The following UGT3A1 variants were observed in gnomAD, a reference collection of about 807,000 sequenced individuals.
The protein encoded by UGT3A1 is UDP glycosyltransferase family 3 member A1, also known as UDP-glycosyltransferase 3A1.
UGT3A1 carries 40 observed loss-of-function variants against 37.6 expected under a neutral mutation model. The observed-to-expected ratio is 1.06, with a 90% confidence interval of 0.83 to 1.38. UGT3A1 has a LOEUF of 1.38. Ranked by LOEUF, UGT3A1 falls within the 40% of genes most tolerant of loss-of-function variation. UGT3A1 has a pLI of 0.00. For synonymous variants in UGT3A1, 256 were observed against 232.3 expected (o/e 1.10, Z -0.93); for missense variants, 642 against 634.2 (o/e 1.01, Z -0.13).
chr5:35,965,272 C>T lies in UGT3A1; in HGVS notation c.843+114G>A. 5 of 1,480,162 alleles carry T rather than the reference C, an allele frequency of 3.4e-6. No individual in the cohort carries two copies. In the Admixed American group the frequency reaches 9.0e-5, roughly 27 times the overall value. The allele number at this position is 1,480,162 out of a possible 1,614,324, so 91.7% of individuals were successfully genotyped here. ...TCCTTTAAGAACGTGCCCTAGGTGC[C>T]TCCTTTGCCAATCCCTACTTCAACC... On this transcript the variant is annotated intron_variant, in intron 4 of 6. Transcript: ENST00000274278.
chr5:35,982,447 C>T (rs1041733605), intron 2 of UGT3A1, among the ~76,000 whole-genome samples: 8 of 152,220 alleles, frequency 5.3e-5, no homozygotes, highest in Admixed American at 2.0e-4. Flanking sequence ...ATTATTTTGG[C>T]GCTTTAAGAT....
Position 35,991,366 on chromosome 5 carries a change from A to C in UGT3A1, c.-126T>G. On this transcript the variant is annotated 5_prime_UTR_variant, in exon 1 of 7. Coordinates refer to ENST00000274278, the MANE Select transcript of UGT3A1 (RefSeq NM_152404.4). ...GGGCCTAGGAAGAGGTAGGAGACGGATCCTGCCAATTCTCTCGCCCTTCTG... is the reference window on the plus strand; with the variant it reads ...GGGCCTAGGAAGAGGTAGGAGACGGCTCCTGCCAATTCTCTCGCCCTTCTG... 1 of 1,497,092 alleles carries C rather than the reference A, an allele frequency of 6.7e-7. No individual in the cohort carries two copies. Among genetic ancestry groups the C allele is most frequent in the East Asian group, 2.4e-5 (1 of 41,612 alleles). 92.7% of individuals were successfully genotyped at this position (1,497,092 alleles called of 1,614,324 possible).
At chr5:35,992,269 C>G (rs1740974638), upstream of UGT3A1, among the ~76,000 whole-genome samples, 1 of 152,098 alleles carries the variant, frequency 6.6e-6, no homozygotes, top group African/African-American at 2.4e-5. Flanking sequence ...TACATTTGTG[C>G]ATCCTTCACC....
chr5:35,982,341 T>C (rs919049327), intron 2 of UGT3A1, among the ~76,000 whole-genome samples: 7 of 152,228 alleles, frequency 4.6e-5, no homozygotes, highest in African/African-American at 1.7e-4. Flanking sequence ...ATAGGGGCTA[T>C]ACCTTGCAGA....
intron 2 of UGT3A1, among the ~76,000 whole-genome samples, chr5:35,984,344 C>T (rs550915733): frequency 4.9e-4 from 74 of 152,226 alleles, no homozygotes; most frequent in African/African-American, 1.7e-3. Context: ...TTATTCTATC[C>T]CTAGTTATGT....
chr5:35,978,240 G>A (rs1259967988), intron 2 of UGT3A1, among the ~76,000 whole-genome samples: 1 of 152,036 alleles, frequency 6.6e-6, no homozygotes, highest in Admixed American at 6.6e-5. Context: ...TCACCATGTT[G>A]GCCAGGCTGG....
intron 6 of UGT3A1, 65 bp downstream of exon 6, chr5:35,955,580 C>G (rs768622): frequency 0.42 from 656,489 of 1,559,036 alleles, 142,249 homozygotes; most frequent in African/African-American, 0.47. Context: ...AATACATACA[C>G]AGTATCCCTT....
intron 1 of UGT3A1, among the ~76,000 whole-genome samples, chr5:35,988,925 T>C (rs1740831732): frequency 1.3e-5 from 2 of 152,294 alleles, no homozygotes; most frequent in South Asian, 2.1e-4. Context: ...CTCCAAAATA[T>C]AACTGCAATG....
At chr5:35,977,811 T>G (rs1465224121) in intron 2 of UGT3A1, among the ~76,000 whole-genome samples, 1 of 152,226 alleles carries the variant, frequency 6.6e-6, no homozygotes, top group Non-Finnish European at 1.5e-5. Context: ...ACATACCTTA[T>G]AATCCCATTT....
chr5:35,972,573 T>C (rs2149970961), intron 2 of UGT3A1, among the ~76,000 whole-genome samples: 1 of 151,326 alleles, frequency 6.6e-6, no homozygotes, highest in South Asian at 2.1e-4. Flanking sequence ...AGGATTCTGG[T>C]TTCCTAGGAT....
Position 35,959,323 on chromosome 5 carries a change from A to C in UGT3A1, c.844-1904T>G, listed in dbSNP as rs191114903. 6.2e-4 allele frequency among the ~76,000 whole-genome samples: 94 copies of C among 152,348 alleles called. 1 individual carries two copies. The highest frequency in any genetic ancestry group is 1.9e-3 in the African/African-American group (79 of 41,584). ...GAAATAGTCAAAATGCATAATTTTG[A>C]AAAACAAAATAAATATCCAGAAACC... On this transcript the variant is annotated intron_variant, in intron 4 of 6. Coordinates refer to ENST00000274278, the MANE Select transcript of UGT3A1 (RefSeq NM_152404.4).
chr5:35,953,328 C>G lies in UGT3A1; in HGVS notation c.*874G>C, dbSNP rs1739234060. 1 of 152,312 alleles carries G rather than the reference C, an allele frequency of 6.6e-6. No homozygotes were observed. Among genetic ancestry groups the G allele is most frequent in the Admixed American group, 6.5e-5 (1 of 15,276 alleles). The allele number at this position is 152,312 out of a possible 1,614,324, so 9.4% of individuals were successfully genotyped here. A position where few individuals can be genotyped will look rare whatever the true frequency, so the allele number is the denominator to read the frequency against. ...TCGGGCTTTATCAAGAAAGATGAAA[C>G]AAATGAACAAAAACTCTGGGGGTGT... On this transcript the variant is annotated 3_prime_UTR_variant, in exon 7 of 7. Coordinates refer to ENST00000274278, the MANE Select transcript of UGT3A1 (RefSeq NM_152404.4).
chr5:35,959,843 C>A (rs759023472), intron 4 of UGT3A1, among the ~76,000 whole-genome samples: 12 of 152,000 alleles, frequency 7.9e-5, no homozygotes, highest in Admixed American at 6.5e-5. Flanking sequence ...AACTAATAAA[C>A]AAATTCAGCA....
chr5:35,954,973 G>A (rs1739297149), intron 6 of UGT3A1: 1 of 161,858 alleles, frequency 6.2e-6, no homozygotes, highest in Non-Finnish European at 1.4e-5. Context: ...TTTGTGGCAG[G>A]CTCTGCAGTA....
intron 1 of UGT3A1, among the ~76,000 whole-genome samples, chr5:35,989,421 T>C (rs1449876003): frequency 6.6e-6 from 1 of 152,148 alleles, no homozygotes; most frequent in African/African-American, 2.4e-5. Flanking sequence ...AGAAGAGAAA[T>C]TAATGGAAAA....
intron 2 of UGT3A1, among the ~76,000 whole-genome samples, chr5:35,996,861 TC>T (rs1405582351): frequency 1.3e-5 from 2 of 152,186 alleles, no homozygotes; most frequent in Non-Finnish European, 2.9e-5. Flanking sequence ...TCCCCAATCT[TC>T]CTGTTAACAA....
rs61733467 is a variant in UGT3A1, at chr5:35,965,509, A to G, written c.720T>C (p.Leu240=). The change falls in exon 4 of 7, where the codon CTT becomes CTC. Residue 240 remains leucine, a synonymous_variant. Transcript: ENST00000274278. ...CAAACCACAACTCTGCTTTCAGTAG[A>G]AGATGAGACAAAACTGGCCTAGAGC... ...PEGSRPVLSH[L]LLKAELWFVN... 3,309 of 1,614,092 alleles carry G rather than the reference A, an allele frequency of 2.1e-3. 68 individuals carry two copies. In the African/African-American group the frequency reaches 0.038, roughly 19 times the overall value.
At chr5:35,991,577 G>A (rs1484212737), upstream of UGT3A1, 2 of 1,065,376 alleles carry the variant, frequency 1.9e-6, no homozygotes, top group African/African-American at 3.3e-5. Context: ...GAATGACAGG[G>A]GCCTCAGTAA....
At chr5:35,976,474 G>A (rs1318720195) in intron 2 of UGT3A1, among the ~76,000 whole-genome samples, 1 of 152,122 alleles carries the variant, frequency 6.6e-6, no homozygotes, top group Non-Finnish European at 1.5e-5. Context: ...GCCACTTTAG[G>A]AAAAGTATGT....
Sources: gnomAD v4.1 joint callset for allele counts (sites outside exome capture counted in the v4.1 genomes callset) on GRCh38, gnomAD v4.1.1 for gene constraint, MANE v1.5 for transcripts, NCBI Gene and HGNC (gene_info 2026-07-23, HGNC 2026-07-21) for gene names.